STK33: variants seen among roughly 807,000 people sequenced by gnomAD.
The protein encoded by STK33 is serine/threonine kinase 33, also known as serine/threonine-protein kinase 33.
Under a neutral mutation model 58.0 loss-of-function variants are expected in STK33, and 52 were observed. The ratio of observed to expected loss-of-function variants is 0.90; its 90% CI spans 0.72 to 1.13. The LOEUF (loss-of-function observed/expected upper bound fraction) is 1.13. Among genes scored for constraint, STK33 ranks in the 50% most tolerant of loss-of-function variants. STK33 has a pLI of 0.00. For synonymous variants in STK33, 215 were observed against 200.1 expected (o/e 1.07, Z -0.63); for missense variants, 630 against 604.2 (o/e 1.04, Z -0.45).
At chr11:8,437,673 A>G (rs1240741923) in intron 12 of STK33, among the ~76,000 whole-genome samples, 1 of 152,116 alleles carries the variant, frequency 6.6e-6, no homozygotes, top group Non-Finnish European at 1.5e-5. Context: ...TTAAAAATCT[A>G]ACTCATGAAC....
At chr11:8,375,392 C>T in the STK33 span, among the ~76,000 whole-genome samples, 488 of 152,300 alleles carry the variant, frequency 3.2e-3, 1 homozygote, top group Middle Eastern at 0.014. Flanking sequence ...CTTCCTCCCC[C>T]CATTGCTTGA....
chr11:8,396,957 T>C (rs1418663754), intron 15 of STK33, among the ~76,000 whole-genome samples: 1 of 152,158 alleles, frequency 6.6e-6, no homozygotes, highest in East Asian at 1.9e-4. Context: ...GTAAACAAAG[T>C]GGCCAGGAAG....
chr11:8,536,950 TA>T (rs879045592), intron 1 of STK33, among the ~76,000 whole-genome samples: 40,350 of 86,742 alleles, frequency 0.47, 9,345 homozygotes, highest in South Asian at 0.61. Context: ...CCCAGCTAAT[TA>T]AAAAAAAAAA....
chr11:8,587,711 G>A (rs913682944), intron 1 of STK33, among the ~76,000 whole-genome samples: 1 of 152,070 alleles, frequency 6.6e-6, no homozygotes, highest in Non-Finnish European at 1.5e-5. Flanking sequence ...AAATCTTAAG[G>A]CCTCTTCTTG....
the STK33 span, among the ~76,000 whole-genome samples, chr11:8,364,786 T>C: frequency 3.3e-5 from 5 of 152,232 alleles, no homozygotes; most frequent in African/African-American, 9.6e-5. Flanking sequence ...TTATCCCTTC[T>C]TCTGTTGATG....
intron 1 of STK33, among the ~76,000 whole-genome samples, chr11:8,526,391 C>CA (rs930246455): frequency 4.4e-4 from 59 of 132,994 alleles, no homozygotes; most frequent in East Asian, 1.1e-3. Context: ...AACTCGATCT[C>CA]AAAAAAAAAA....
chr11:8,499,081 T>C (rs1328800235), intron 1 of STK33, among the ~76,000 whole-genome samples: 4 of 152,068 alleles, frequency 2.6e-5, no homozygotes, highest in African/African-American at 7.2e-5. Context: ...AATTGACAAA[T>C]GGGATCTAAT....
chr11:8,337,720 G>A, the STK33 span, among the ~76,000 whole-genome samples: 1 of 144,174 alleles, frequency 6.9e-6, no homozygotes, highest in Non-Finnish European at 1.5e-5. Flanking sequence ...CCGCTCCCCC[G>A]CCCCCAGTCC....
intron 1 of STK33, among the ~76,000 whole-genome samples, chr11:8,531,985 A>G (rs753430519): frequency 1.3e-5 from 2 of 152,268 alleles, no homozygotes; most frequent in African/African-American, 2.4e-5. Context: ...AAGATCAGCC[A>G]TTAAAATAAA....
chr11:8,521,957 C>T (rs1202846620), intron 1 of STK33, among the ~76,000 whole-genome samples: 1 of 152,034 alleles, frequency 6.6e-6, no homozygotes, highest in Non-Finnish European at 1.5e-5. Context: ...GAATGGTGAT[C>T]ATTAGAAAGT....
intron 14 of STK33, 41 bp downstream of exon 14, chr11:8,435,453 T>C (rs1215875246): frequency 3.7e-6 from 4 of 1,070,554 alleles, no homozygotes; most frequent in African/African-American, 3.2e-5. Flanking sequence ...AAATGAGCAA[T>C]GGTAGCATGT....
At chr11:8,448,029 C>T (rs1432527382) in intron 11 of STK33, among the ~76,000 whole-genome samples, 1 of 152,184 alleles carries the variant, frequency 6.6e-6, no homozygotes, top group Non-Finnish European at 1.5e-5. Flanking sequence ...AACTCCCATT[C>T]ACAATTGCTA....
chr11:8,394,445 T>C (rs935598878), intron 15 of STK33, among the ~76,000 whole-genome samples: 1 of 152,244 alleles, frequency 6.6e-6, no homozygotes, highest in African/African-American at 2.4e-5. Context: ...GTTGAGGAAG[T>C]AGTTTTCAAC....
chr11:8,399,577 C>T (rs78574610), intron 15 of STK33, among the ~76,000 whole-genome samples: 29,322 of 151,998 alleles, frequency 0.19, 3,193 homozygotes, highest in African/African-American at 0.29. Context: ...CAAGAGCAAA[C>T]ACATTCAAAA....
chr11:8,367,736 G>A, the STK33 span, among the ~76,000 whole-genome samples: 2 of 152,196 alleles, frequency 1.3e-5, no homozygotes, highest in African/African-American at 2.4e-5. Context: ...ATGAGTTCTA[G>A]AGAGTTTGGT....
At chr11:8,366,076 G>A in the STK33 span, among the ~76,000 whole-genome samples, 1,561 of 152,314 alleles carry the variant, frequency 0.01, 7 homozygotes, top group Non-Finnish European at 0.015. Context: ...ACTTTCTCAC[G>A]GCACAGTGGG....
chr11:8,535,243 C>T (rs1365708103), intron 1 of STK33, among the ~76,000 whole-genome samples: 1 of 152,096 alleles, frequency 6.6e-6, no homozygotes, highest in African/African-American at 2.4e-5. Context: ...GTTACTAATG[C>T]ACTTTACAGG....
intron 15 of STK33, among the ~76,000 whole-genome samples, chr11:8,404,032 G>A (rs1007407543): frequency 6.6e-6 from 1 of 152,138 alleles, no homozygotes; most frequent in African/African-American, 2.4e-5. Context: ...CCTGCACAAG[G>A]TCCAAATGAC....
chr11:8,470,633 C>G (rs879324310), intron 6 of STK33, among the ~76,000 whole-genome samples: 1 of 152,130 alleles, frequency 6.6e-6, no homozygotes, highest in Admixed American at 6.6e-5. Flanking sequence ...TTCTGGCTTT[C>G]GATTTAAAGT....
Sources: allele counts gnomAD v4.1 joint callset (sites outside exome capture counted in the v4.1 genomes callset), GRCh38; gene constraint gnomAD v4.1.1; transcripts MANE v1.5; gene names NCBI Gene and HGNC (gene_info 2026-07-23, HGNC 2026-07-21).